Variants in RBFOX1 observed in about 807,000 individuals in gnomAD.
The protein encoded by RBFOX1 is RNA binding fox-1 homolog 1, also known as RNA binding protein fox-1 homolog 1.
A neutral mutation model predicts 57.7 loss-of-function variants in RBFOX1; 8 were observed. The observed-to-expected ratio is 0.14, with a 90% CI of 0.08 to 0.25. RBFOX1 has a LOEUF of 0.25. Among genes scored for constraint, RBFOX1 ranks in the 10% least tolerant of loss-of-function variants. RBFOX1 has a pLI of 1.00. For synonymous variants in RBFOX1, 326 were observed against 222.4 expected (o/e 1.47, Z -4.15); for missense variants, 611 against 548.5 (o/e 1.11, Z -1.14).
intron 3 of RBFOX1, among the ~76,000 whole-genome samples, chr16:5,783,896 T>A (rs555576841): frequency 6.6e-6 from 1 of 152,294 alleles, no homozygotes; most frequent in South Asian, 2.1e-4. Flanking sequence ...CATGTGTGCA[T>A]CCCCTCCACA....
At chr16:5,942,243 A>G (rs1302285603) in intron 4 of RBFOX1, among the ~76,000 whole-genome samples, 1 of 152,114 alleles carries the variant, frequency 6.6e-6, no homozygotes, top group African/African-American at 2.4e-5. Flanking sequence ...TTTGCAGGCT[A>G]GGGTTTTTGA....
chr16:5,944,987 AAGAGAG>A (rs1555453187), intron 4 of RBFOX1, among the ~76,000 whole-genome samples: 2 of 97,000 alleles, frequency 2.1e-5, no homozygotes, highest in African/African-American at 3.2e-5. Flanking sequence ...AAAAAAAAAA[AAGAGAG>A]AGAGAGAGAG....
In RBFOX1 at chr16:5,252,118, T is replaced by G. The variant is rs567257717; in HGVS notation, c.219+12013T>G. On this transcript the variant is annotated intron_variant, in intron 1 of 2. Coordinates refer to the RBFOX1 transcript ENST00000585867. ...TAGACCTGGATGCCAGGTGACCCTCTGTTTACTCTGAGCCCAGACAGAGGA... is the reference window on the plus strand; with the variant it reads ...TAGACCTGGATGCCAGGTGACCCTCGGTTTACTCTGAGCCCAGACAGAGGA... 6.6e-5 allele frequency among the ~76,000 whole-genome samples: 10 copies of G among 152,282 alleles called. No homozygotes were observed. The East Asian group carries it at 1.7e-3, about 27-fold the overall frequency.
intron 5 of RBFOX1, among the ~76,000 whole-genome samples, chr16:7,568,251 T>C (rs1447872631): frequency 1.3e-5 from 2 of 152,182 alleles, no homozygotes; most frequent in African/African-American, 4.8e-5. Context: ...TTTATGATTA[T>C]TTCTTGATTA....
At chr16:6,486,331 G>A (rs1476468231) in intron 2 of RBFOX1, among the ~76,000 whole-genome samples, 2 of 151,712 alleles carry the variant, frequency 1.3e-5, no homozygotes, top group Non-Finnish European at 2.9e-5. Context: ...CTTGTTTTCT[G>A]TCTAAATTTA....
At chr16:7,389,713 G>A (rs1351505380) in intron 4 of RBFOX1, among the ~76,000 whole-genome samples, 1 of 152,114 alleles carries the variant, frequency 6.6e-6, no homozygotes, top group East Asian at 1.9e-4. Flanking sequence ...CAGCAGTCTT[G>A]GTTAGGCCAT....
intron 4 of RBFOX1, among the ~76,000 whole-genome samples, chr16:7,173,253 C>A (rs2081049590): frequency 6.6e-6 from 1 of 152,200 alleles, no homozygotes; most frequent in Non-Finnish European, 1.5e-5. Flanking sequence ...AATTACGCCA[C>A]TGACTACGAA....
chr16:7,138,349 G>C (rs995504430), intron 4 of RBFOX1, among the ~76,000 whole-genome samples: 1 of 152,166 alleles, frequency 6.6e-6, no homozygotes, highest in Non-Finnish European at 1.5e-5. Flanking sequence ...GTGTTAAACG[G>C]ACTTCTGTAA....
chr16:6,339,718 T>C (rs1220637205), intron 2 of RBFOX1, among the ~76,000 whole-genome samples: 1 of 152,150 alleles, frequency 6.6e-6, no homozygotes, highest in Non-Finnish European at 1.5e-5. Flanking sequence ...TCACCCAGGC[T>C]GGAGTGCAGT....
At chr16:5,446,518 A>G (rs2068243722) in intron 1 of RBFOX1, among the ~76,000 whole-genome samples, 1 of 151,526 alleles carries the variant, frequency 6.6e-6, no homozygotes. Context: ...ATATATTTGT[A>G]TTTCTGGGGA....
intron 4 of RBFOX1, among the ~76,000 whole-genome samples, chr16:7,186,682 C>A (rs12447196): frequency 1.4e-5 from 2 of 145,522 alleles, no homozygotes; most frequent in African/African-American, 5.1e-5. Flanking sequence ...TACATACTTA[C>A]GTCTTTAAAT....
chr16:7,672,887 A>AAAAAAAAAAAAAT (rs2071999761), intron 13 of RBFOX1, among the ~76,000 whole-genome samples: 1 of 149,538 alleles, frequency 6.7e-6, no homozygotes, highest in African/African-American at 2.5e-5. Context: ...AAAAAAAAAA[A>AAAAAAAAAAAAAT]AGAACATATA....
At chr16:5,498,202 G>A (rs544912330) in intron 2 of RBFOX1, among the ~76,000 whole-genome samples, 1 of 152,274 alleles carries the variant, frequency 6.6e-6, no homozygotes, top group African/African-American at 2.4e-5. Context: ...GAGTGCAATG[G>A]CGGGATCTCG....
chr16:6,517,579 A>T (rs1433600863), intron 2 of RBFOX1, among the ~76,000 whole-genome samples: 1 of 152,080 alleles, frequency 6.6e-6, no homozygotes, highest in Non-Finnish European at 1.5e-5. Flanking sequence ...GAATTTAGAA[A>T]TGCTTTGTGT....
intron 1 of RBFOX1, among the ~76,000 whole-genome samples, chr16:6,036,010 T>C (rs958942891): frequency 6.6e-6 from 1 of 152,202 alleles, no homozygotes; most frequent in Non-Finnish European, 1.5e-5. Flanking sequence ...ACATATACTA[T>C]CATCCTATGT....
At chr16:5,724,909 C>T (rs1458681886) in intron 3 of RBFOX1, among the ~76,000 whole-genome samples, 2 of 152,194 alleles carry the variant, frequency 1.3e-5, no homozygotes, top group African/African-American at 2.4e-5. Flanking sequence ...GTGATTCCTG[C>T]CACGTAGTGA....
At chr16:6,332,920 C>G (rs1276075899) in intron 2 of RBFOX1, among the ~76,000 whole-genome samples, 3 of 152,148 alleles carry the variant, frequency 2.0e-5, no homozygotes, top group Non-Finnish European at 4.4e-5. Flanking sequence ...ATTAGCTACA[C>G]CTTACAGAAC....
At chr16:7,667,652 A>G (rs1258605196) in intron 13 of RBFOX1, among the ~76,000 whole-genome samples, 2 of 151,148 alleles carry the variant, frequency 1.3e-5, no homozygotes, top group East Asian at 4.0e-4. Flanking sequence ...TAGACACATC[A>G]GATACCTCGA....
intron 1 of RBFOX1, among the ~76,000 whole-genome samples, chr16:6,270,759 A>T (rs566550904): frequency 6.6e-6 from 1 of 152,234 alleles, no homozygotes; most frequent in African/African-American, 2.4e-5. Flanking sequence ...TCCCAATGAC[A>T]GCAGAAGGCG....
Sources: gnomAD v4.1 joint callset for allele counts (sites outside exome capture counted in the v4.1 genomes callset) on GRCh38, gnomAD v4.1.1 for gene constraint, MANE v1.5 for transcripts, NCBI Gene and HGNC (gene_info 2026-07-23, HGNC 2026-07-21) for gene names.